The following GAP43 variants were observed in gnomAD, a reference collection of about 807,000 sequenced individuals.
The protein encoded by GAP43 is growth associated protein 43.
A neutral mutation model predicts 18.6 loss-of-function variants in GAP43; 6 were observed. The ratio of observed to expected loss-of-function variants is 0.32; its 90% CI spans 0.18 to 0.64. The LOEUF is 0.64. Among genes scored for constraint, GAP43 ranks in the 30% least tolerant of loss-of-function variants. The pLI is 0.78. For synonymous variants in GAP43, 115 were observed against 111.4 expected (o/e 1.03, Z -0.20); for missense variants, 292 against 295.5 (o/e 0.99, Z 0.09).
At chr3:115,663,082 G>T (rs1708686105) in intron 1 of GAP43, among the ~76,000 whole-genome samples, 1 of 152,122 alleles carries the variant, frequency 6.6e-6, no homozygotes, top group African/African-American at 2.4e-5. Context: ...TTTGTACCAT[G>T]AACTACACAG....
intron 1 of GAP43, among the ~76,000 whole-genome samples, chr3:115,674,830 T>C (rs1451044217): frequency 6.6e-6 from 1 of 152,232 alleles, no homozygotes; most frequent in African/African-American, 2.4e-5. Flanking sequence ...GGAACTCATT[T>C]ACATTTTGCA....
intron 2 of GAP43, among the ~76,000 whole-genome samples, chr3:115,699,280 C>T (rs1301909561): frequency 1.3e-5 from 2 of 152,208 alleles, no homozygotes; most frequent in Non-Finnish European, 1.5e-5. Context: ...GTTAATGCCA[C>T]TCTCTTACAA....
intron 1 of GAP43, among the ~76,000 whole-genome samples, chr3:115,632,314 T>C (rs1708270469): frequency 6.6e-6 from 1 of 152,070 alleles, no homozygotes; most frequent in Non-Finnish European, 1.5e-5. Context: ...ACAGTTTGGT[T>C]GGGGGAAGCA....
chr3:115,710,895 C>A (rs1053019940), intron 2 of GAP43, among the ~76,000 whole-genome samples: 1 of 152,074 alleles, frequency 6.6e-6, no homozygotes, highest in South Asian at 2.1e-4. Context: ...TGAAACCAAA[C>A]TATCAGCTTC....
chr3:115,693,739 C>T (rs1409709079), intron 2 of GAP43, among the ~76,000 whole-genome samples: 1 of 138,530 alleles, frequency 7.2e-6, no homozygotes, highest in Non-Finnish European at 1.5e-5. Context: ...GTTGTGAAGT[C>T]TCATGTGTGC....
chr3:115,629,381 G>C (rs1234371733), intron 1 of GAP43, among the ~76,000 whole-genome samples: 2 of 149,814 alleles, frequency 1.3e-5, no homozygotes, highest in African/African-American at 2.4e-5. Flanking sequence ...TGCTTTTCTA[G>C]TGCCAAATTC....
At chr3:115,650,240 C>T (rs1004272355) in intron 1 of GAP43, among the ~76,000 whole-genome samples, 9 of 152,128 alleles carry the variant, frequency 5.9e-5, no homozygotes, top group South Asian at 2.1e-4. Flanking sequence ...GGGCTCCCTT[C>T]GCTGGGTGTA....
chr3:115,677,249 C>T (rs764747580), intron 2 of GAP43, among the ~76,000 whole-genome samples: 3 of 152,010 alleles, frequency 2.0e-5, no homozygotes, highest in Non-Finnish European at 4.4e-5. Flanking sequence ...ATAAGTCTGT[C>T]GATGTTGCCA....
Position 115,718,595 on chromosome 3 carries a change from A to G in GAP43, c.629-2199A>G, listed in dbSNP as rs113769822. Among the ~76,000 whole-genome samples the G allele has an allele frequency of 4.4e-3, 674 of 152,268 alleles. 3 individuals are homozygous for G. The highest frequency in any genetic ancestry group is 0.014 in the African/African-American group (594 of 41,538). On this transcript the variant is annotated intron_variant, in intron 2 of 2. Transcript: ENST00000305124. ...AGCTATAGCCTTAAAAAAATCTTATAAGTAGTAGTAGGTAGCATCACTAGA... is the reference window on the plus strand; with the variant it reads ...AGCTATAGCCTTAAAAAAATCTTATGAGTAGTAGTAGGTAGCATCACTAGA...
At chr3:115,706,391 C>T (rs1709362993) in intron 2 of GAP43, among the ~76,000 whole-genome samples, 1 of 104,410 alleles carries the variant, frequency 9.6e-6, no homozygotes, top group Non-Finnish European at 2.3e-5. Flanking sequence ...AGATTTACTA[C>T]CCAGCTGGGG....
At chr3:115,692,096 T>G (rs1186955530) in intron 2 of GAP43, among the ~76,000 whole-genome samples, 1 of 152,210 alleles carries the variant, frequency 6.6e-6, no homozygotes, top group Non-Finnish European at 1.5e-5. Flanking sequence ...ATGATATTCT[T>G]GGCAAAATGA....
chr3:115,677,479 C>T (rs1708907910), intron 2 of GAP43, among the ~76,000 whole-genome samples: 1 of 152,054 alleles, frequency 6.6e-6, no homozygotes, highest in Admixed American at 6.5e-5. Context: ...ATAGAATATT[C>T]CCAGAGCAAG....
Position 115,637,126 on chromosome 3 carries a change from C to T in GAP43, c.30+13407C>T, listed in dbSNP as rs201721561. 3.2e-4 allele frequency among the ~76,000 whole-genome samples: 48 copies of T among 152,166 alleles called. No homozygotes were observed. In the East Asian group the frequency reaches 7.8e-3, roughly 25 times the overall value. ...GGCTTTCCTGACTAACACAGTTCTC[C>T]ATGACCTGTTTTGCCTCTTAGATCT... On this transcript the variant is annotated intron_variant, in intron 1 of 2. Transcript: ENST00000305124.
intron 1 of GAP43, chr3:115,663,555 A>G: frequency 7.8e-7 from 1 of 1,287,426 alleles, no homozygotes; most frequent in Middle Eastern, 2.9e-4. Flanking sequence ...GGTTGTTTTC[A>G]ACATCTCAAG....
At position 115,676,287 on chromosome 3, in the gene GAP43, G is replaced by A. The variant is rs1357743840; in HGVS notation, c.305G>A (p.Gly102Asp). 1.2e-6 allele frequency: 2 copies of A among 1,614,170 alleles called. No individual in the cohort carries two copies. The highest frequency in any genetic ancestry group is 2.2e-5 in the South Asian group (2 of 91,080). ...PATGSKPDEPGKAGETPSEEK... is the reference protein window; with the variant it reads ...PATGSKPDEPDKAGETPSEEK... ...ACTGGCTCCAAGCCTGATGAGCCCG[G>A]CAAAGCAGGAGAAACTCCTTCCGAG... Residue 102 changes from glycine (G) to aspartate (D), a missense_variant, in exon 2 of 3, where the codon GGC (glycine) becomes GAC (aspartate). Physicochemically the swap from Gly to Asp is moderately conservative, Grantham distance 94 (BLOSUM62 -1). Transcript: ENST00000305124.
chr3:115,640,723 T>G (rs1708384089), intron 1 of GAP43, among the ~76,000 whole-genome samples: 1 of 151,958 alleles, frequency 6.6e-6, no homozygotes, highest in South Asian at 2.1e-4. Flanking sequence ...AAGAAAGGGG[T>G]TTCCCTTGGA....
At chr3:115,717,315 CTT>C (rs34080211) in intron 2 of GAP43, among the ~76,000 whole-genome samples, 3 of 144,842 alleles carry the variant, frequency 2.1e-5, no homozygotes, top group Non-Finnish European at 3.0e-5. Flanking sequence ...ATTTTATTGT[CTT>C]TTTTTTTTTT....
chr3:115,632,705 CA>C (rs758492765), intron 1 of GAP43, among the ~76,000 whole-genome samples: 44 of 152,084 alleles, frequency 2.9e-4, no homozygotes, highest in Admixed American at 9.8e-4. Flanking sequence ...AAAAGTTTAG[CA>C]TAAAAAAATT....
intron 2 of GAP43, among the ~76,000 whole-genome samples, chr3:115,708,965 G>C (rs1158787759): frequency 2.4e-5 from 1 of 42,320 alleles, no homozygotes; most frequent in East Asian, 7.8e-4. Context: ...TTTTTTTTTT[G>C]CTATCTCTTT....
Sources: allele counts gnomAD v4.1 joint callset (sites outside exome capture counted in the v4.1 genomes callset), GRCh38; gene constraint gnomAD v4.1.1; transcripts MANE v1.5; gene names NCBI Gene and HGNC (gene_info 2026-07-23, HGNC 2026-07-21).